Variants in HMCN1 observed in about 807,000 individuals in gnomAD.
HMCN1 encodes hemicentin 1, also known as hemicentin-1.
A neutral mutation model predicts 625.9 loss-of-function variants in HMCN1; 321 were observed. The ratio of observed to expected loss-of-function variants is 0.51; its 90% CI spans 0.47 to 0.56. The LOEUF (loss-of-function observed/expected upper bound fraction) is 0.56. Among genes scored for constraint, HMCN1 ranks in the 20% least tolerant of loss-of-function variants. HMCN1 has a pLI of 0.00. For missense variants in HMCN1, 6,588 were observed against 6,887.3 expected (o/e 0.96, Z 1.54); for synonymous variants, 2,425 against 2,417.6 (o/e 1.00, Z -0.09).
rs552618681 is a variant in HMCN1 at position 185,764,732 on chromosome 1, A to G, written c.268+29685A>G. The stretch of plus-strand genomic sequence containing the variant: ...CCAGTGATCTTAACATGAATGAACC[A>G]TATGAAATGAGAGCTCAAGAGTATA... On this transcript the variant is annotated intron_variant, in intron 1 of 106. Coordinates refer to ENST00000271588, the MANE Select transcript of HMCN1 (RefSeq NM_031935.3). 1.3e-4 allele frequency among the ~76,000 whole-genome samples: 20 copies of G among 152,314 alleles called. No homozygotes were observed. In the East Asian group the frequency reaches 3.3e-3, roughly 25 times the overall value.
intron 1 of HMCN1, among the ~76,000 whole-genome samples, chr1:185,762,370 C>T (rs558341077): frequency 4.6e-5 from 7 of 152,278 alleles, no homozygotes; most frequent in South Asian, 2.1e-4. Context: ...TTTGAGTGCA[C>T]ATCCTCTGGG....
At chr1:186,127,746 G>C (rs1233919219) in intron 82 of HMCN1, among the ~76,000 whole-genome samples, 1 of 152,112 alleles carries the variant, frequency 6.6e-6, no homozygotes, top group African/African-American at 2.4e-5. Context: ...CTGTCAAGAT[G>C]CTGTCAGCTT....
chr1:186,144,454 C>T, intron 90 of HMCN1, 79 bp from the exon 91 acceptor site: 1 of 1,609,362 alleles, frequency 6.2e-7, no homozygotes, highest in Non-Finnish European at 8.5e-7. Context: ...AAGAACATCT[C>T]TCAAACTAAC....
intron 28 of HMCN1, 27 bp from the exon 29 acceptor site, chr1:186,003,691 T>G (rs777091401): frequency 6.2e-7 from 1 of 1,611,896 alleles, no homozygotes; most frequent in South Asian, 1.1e-5. Flanking sequence ...AGTAACAGAG[T>G]TTCATAATAC....
intron 11 of HMCN1, among the ~76,000 whole-genome samples, chr1:185,954,698 T>C (rs930610872): frequency 1.3e-5 from 2 of 152,312 alleles, no homozygotes; most frequent in Middle Eastern, 3.4e-3. Flanking sequence ...TAATTGCTTC[T>C]TGGGGTAATG....
At chr1:185,897,729 C>T (rs927821164) in intron 4 of HMCN1, among the ~76,000 whole-genome samples, 1 of 152,136 alleles carries the variant, frequency 6.6e-6, no homozygotes, top group Non-Finnish European at 1.5e-5. Context: ...ATTTATATGT[C>T]TTCCCCACTA....
intron 2 of HMCN1, among the ~76,000 whole-genome samples, chr1:185,860,456 G>A (rs760279550): frequency 1.3e-5 from 2 of 152,104 alleles, no homozygotes; most frequent in Non-Finnish European, 2.9e-5. Flanking sequence ...ACATGTGTGA[G>A]TCAAAGTGTT....
chr1:186,045,234 G>T (rs1656485194), intron 40 of HMCN1, among the ~76,000 whole-genome samples: 1 of 152,138 alleles, frequency 6.6e-6, no homozygotes, highest in Non-Finnish European at 1.5e-5. Context: ...GATGGGACTG[G>T]ATGAGCTCTA....
Position 185,970,232 on chromosome 1 carries a change from CTT to C in HMCN1, c.2213-101_2213-100del, listed in dbSNP as rs1650715434. ...TGTGCCAAACACTTGTGTTTAAAAA[CTT>C]TGCAATCAACTTTATTTGGAAGTTT... On this transcript the variant is annotated intron_variant, in intron 14 of 106. Coordinates refer to ENST00000271588, the MANE Select transcript of HMCN1 (RefSeq NM_031935.3). 2.9e-5 allele frequency: 32 copies of C among 1,099,604 alleles called. No homozygotes were observed. The East Asian group carries it at 7.5e-4, about 26-fold the overall frequency. The allele number at this position is 1,099,604 out of a possible 1,614,324, so 68.1% of individuals were successfully genotyped here. A position where few individuals can be genotyped will look rare whatever the true frequency, so the allele number is the denominator to read the frequency against.
chr1:185,897,465 C>A (rs1010866500), intron 4 of HMCN1, among the ~76,000 whole-genome samples: 1 of 152,176 alleles, frequency 6.6e-6, no homozygotes, highest in Non-Finnish European at 1.5e-5. Context: ...CTTGCAAGTT[C>A]TCCCTACCCT....
intron 1 of HMCN1, among the ~76,000 whole-genome samples, chr1:185,789,560 G>C (rs61679640): frequency 0.09 from 13,764 of 152,172 alleles, 2,010 homozygotes; most frequent in African/African-American, 0.31. Context: ...AACAAAAATA[G>C]GATCATAAAT....
intron 30 of HMCN1, among the ~76,000 whole-genome samples, chr1:186,011,910 T>C (rs1305707407): frequency 6.6e-6 from 1 of 152,208 alleles, no homozygotes; most frequent in Non-Finnish European, 1.5e-5. Flanking sequence ...TGTTTAAGAA[T>C]GATTCTTTTC....
intron 20 of HMCN1, among the ~76,000 whole-genome samples, chr1:185,988,778 C>A (rs1652178952): frequency 6.6e-6 from 1 of 152,190 alleles, no homozygotes; most frequent in Non-Finnish European, 1.5e-5. Flanking sequence ...CTACTCCCCT[C>A]TCCCATGCTT....
chr1:186,037,806 C>T, intron 36 of HMCN1, 128 bp from the exon 37 acceptor site: 4 of 664,620 alleles, frequency 6.0e-6, no homozygotes, highest in Non-Finnish European at 1.1e-5. Flanking sequence ...ACTTTTATTC[C>T]AAATAGGTCA....
At chr1:185,859,972 C>G (rs1662761478) in intron 2 of HMCN1, among the ~76,000 whole-genome samples, 1 of 152,124 alleles carries the variant, frequency 6.6e-6, no homozygotes, top group African/African-American at 2.4e-5. Flanking sequence ...CACCCAGCCT[C>G]ATAGATCATT....
chr1:185,873,193 T>A (rs1276615161), intron 4 of HMCN1, among the ~76,000 whole-genome samples: 1 of 152,176 alleles, frequency 6.6e-6, no homozygotes, highest in Non-Finnish European at 1.5e-5. Flanking sequence ...CTATGAGATG[T>A]TAGAGATAAC....
At chr1:185,870,963 C>T (rs777793180) in intron 4 of HMCN1, among the ~76,000 whole-genome samples, 7 of 152,054 alleles carry the variant, frequency 4.6e-5, no homozygotes, top group East Asian at 1.9e-4. Flanking sequence ...TCCCTGGCTG[C>T]GGTCACGTCT....
At chr1:185,998,008 G>T (rs1204187399) in intron 25 of HMCN1, among the ~76,000 whole-genome samples, 1 of 151,992 alleles carries the variant, frequency 6.6e-6, no homozygotes, top group African/African-American at 2.4e-5. Context: ...TCACTTGGAG[G>T]TTTATTCAAG....
rs1305650984 is a variant in HMCN1 at position 186,070,719 on chromosome 1, A to G, written c.8101A>G (p.Ile2701Val). 6.2e-7 allele frequency: 1 copy of G among 1,613,884 alleles called. No individual in the cohort carries two copies. Among genetic ancestry groups the G allele is most frequent in the Non-Finnish European group, 8.5e-7 (1 of 1,179,838 alleles). ...GACCTTGGAATGTGAAGCGTATGCAATTCCTTCTGCCTCCCTCAGCTGGTA... is the reference window on the plus strand; with the variant it reads ...GACCTTGGAATGTGAAGCGTATGCAGTTCCTTCTGCCTCCCTCAGCTGGTA... ...TLTLECEAYAIPSASLSWYKD... is the reference protein window; with the variant it reads ...TLTLECEAYAVPSASLSWYKD... The change falls in exon 52 of 107, where the codon ATT (isoleucine) becomes GTT (valine). Residue 2701 changes from isoleucine to valine, a missense_variant. By Grantham distance (29) the Ile-to-Val change is conservative. Transcript: ENST00000271588.
Sources: gnomAD v4.1 joint callset for allele counts (sites outside exome capture counted in the v4.1 genomes callset) on GRCh38, gnomAD v4.1.1 for gene constraint, MANE v1.5 for transcripts, NCBI Gene and HGNC (gene_info 2026-07-23, HGNC 2026-07-21) for gene names.